The following HDHD5 variants were observed in gnomAD, a reference collection of about 807,000 sequenced individuals.
HDHD5 encodes the protein haloacid dehalogenase-like hydrolase domain-containing 5.
In HDHD5, 34 loss-of-function variants were observed where a neutral mutation model predicts 35.5. The ratio of observed to expected loss-of-function variants is 0.96; its 90% CI spans 0.73 to 1.28. The LOEUF is 1.28. Ranked by LOEUF, HDHD5 falls within the 50% of genes most tolerant of loss-of-function variation. The pLI is 0.00. For missense variants in HDHD5, 589 were observed against 560.2 expected (o/e 1.05, Z -0.52); for synonymous variants, 248 against 240.6 (o/e 1.03, Z -0.29).
At chr22:17,151,188 G>A (rs2061720851) in intron 1 of HDHD5, among the ~76,000 whole-genome samples, 1 of 152,038 alleles carries the variant, frequency 6.6e-6, no homozygotes, top group Non-Finnish European at 1.5e-5. Context: ...ATAATTTAAA[G>A]GTAAAAAAAT....
In HDHD5 at chr22:17,149,740, T is replaced by C. The variant is rs754857537; in HGVS notation, c.132A>G (p.Pro44=). Reference sequence around the variant, plus strand: ...TGTCCAACAGGAACCCAAAGGTGGGTGGGCTCTGCAGAGATGGTAAGATAA... The same window carrying C: ...TGTCCAACAGGAACCCAAAGGTGGGCGGGCTCTGCAGAGATGGTAAGATAA... ...RCYAVGPAQS[P]PTFGFLLDID... Residue 44 remains proline, a synonymous_variant, in exon 2 of 8, where the codon CCA becomes CCG. Coordinates refer to ENST00000336737, the MANE Select transcript of HDHD5 (RefSeq NM_033070.3). The C allele has an allele frequency of 1.9e-6, 3 of 1,613,948 alleles. No homozygotes were observed. In the South Asian group the frequency reaches 3.3e-5, roughly 18 times the overall value.
chr22:17,138,468 T>A (rs1186154268), intron 7 of HDHD5, 82 bp downstream of exon 7: 2 of 1,540,396 alleles, frequency 1.3e-6, no homozygotes, highest in African/African-American at 1.4e-5. Context: ...GAATTAGATA[T>A]AGGGAAATGG....
intron 5 of HDHD5, chr22:17,141,527 T>G: frequency 8.2e-7 from 1 of 1,217,978 alleles, no homozygotes; most frequent in Non-Finnish European, 1.0e-6. Context: ...CTACTTCTCC[T>G]TGCTGGCTGG....
chr22:17,143,048 G>A, intron 5 of HDHD5, 50 bp downstream of exon 5: 1 of 1,598,452 alleles, frequency 6.3e-7, no homozygotes, highest in South Asian at 1.1e-5. Context: ...GAGGGCCAGA[G>A]AGGAGACGGA....
At chr22:17,159,406 C>A (rs1223706603), upstream of HDHD5, 9 of 834,586 alleles carry the variant, frequency 1.1e-5, no homozygotes, top group Admixed American at 2.1e-4. Context: ...GAACTCGACC[C>A]GCAGGCCAAA....
intron 1 of HDHD5, among the ~76,000 whole-genome samples, chr22:17,155,331 T>C (rs552876707): frequency 1.8e-4 from 28 of 151,614 alleles, no homozygotes; most frequent in African/African-American, 5.8e-4. Context: ...CTACAACCTC[T>C]GCCTCCTGGG....
At chr22:17,155,252 G>C (rs1007747449) in intron 1 of HDHD5, among the ~76,000 whole-genome samples, 1 of 120,096 alleles carries the variant, frequency 8.3e-6, no homozygotes, top group Non-Finnish European at 1.8e-5. Flanking sequence ...TTTTTTGTTT[G>C]GTTGGTTTTT....
chr22:17,138,315 G>A lies in HDHD5; in HGVS notation c.978C>T (p.His326=), dbSNP rs761735392. 3 of 1,614,034 alleles carry A rather than the reference G, an allele frequency of 1.9e-6. No homozygotes were observed. In the African/African-American group the frequency reaches 4.0e-5, roughly 22 times the overall value. Residue 326 remains histidine (H), a synonymous_variant, in exon 8 of 8, where the codon CAC becomes CAT. Coordinates refer to ENST00000336737, the MANE Select transcript of HDHD5 (RefSeq NM_033070.3). ...CATGCGTTGCCTTCTGCAGGTACTG[G>A]TGGAACAGGTTGGCGCCGTATACGT... ...MSDVYGANLF[H]QYLQKATHDG...
At chr22:17,164,306 C>T (rs2061879813) in intron 1 of HDHD5, among the ~76,000 whole-genome samples, 2 of 151,770 alleles carry the variant, frequency 1.3e-5, no homozygotes, top group African/African-American at 4.8e-5. Flanking sequence ...AATGTGTCTG[C>T]ATCTAGATGT....
At chr22:17,145,334 C>T (rs1163757882) in intron 3 of HDHD5, among the ~76,000 whole-genome samples, 1 of 152,158 alleles carries the variant, frequency 6.6e-6, no homozygotes, top group East Asian at 1.9e-4. Context: ...CTGGGTAACC[C>T]ACCAGCAGTC....
intron 1 of HDHD5, 37 bp from the exon 2 acceptor site, chr22:17,149,782 A>G (rs749784653): frequency 2.5e-6 from 4 of 1,576,254 alleles, no homozygotes; most frequent in Admixed American, 1.7e-5. Flanking sequence ...GTACGTGAGT[A>G]ACAAAGAAAC....
chr22:17,138,187 C>G lies in HDHD5; in HGVS notation c.1106G>C (p.Arg369Thr). The change falls in exon 8 of 8, where the codon AGG becomes ACG. Residue 369 changes from arginine (R) to threonine (T), a missense_variant. By Grantham distance (71) the Arg-to-Thr change is moderately conservative (BLOSUM62 -1). Transcript: ENST00000336737. ...GACAGGCTCCGTGGACTGTGGGTTC[C>G]TGGGATTGTAGACGCCTGTACACAC... ...ILVCTGVYNP[R>T]NPQSTEPVLG... The G allele has an allele frequency of 6.2e-7, 1 of 1,614,186 alleles. No homozygotes were observed. Among genetic ancestry groups the G allele is most frequent in the South Asian group, 1.1e-5 (1 of 91,072 alleles).
At chr22:17,143,875 C>T (rs554715041) in intron 4 of HDHD5, among the ~76,000 whole-genome samples, 111 of 152,340 alleles carry the variant, frequency 7.3e-4, no homozygotes, top group African/African-American at 2.5e-3. Context: ...GATACACAGA[C>T]GGTGCGATGA....
chr22:17,148,058 A>C (rs1363318724), intron 3 of HDHD5, among the ~76,000 whole-genome samples: 1 of 152,178 alleles, frequency 6.6e-6, no homozygotes, highest in Non-Finnish European at 1.5e-5. Context: ...TGGCTAATAA[A>C]CTGACTGGGC....
upstream of HDHD5, among the ~76,000 whole-genome samples, chr22:17,161,255 AAAAAAAGAAAGAAG>A (rs1309076464): frequency 3.0e-4 from 45 of 150,078 alleles, no homozygotes; most frequent in East Asian, 8.4e-3. Flanking sequence ...CAAAAAAAAA[AAAAAAAGAAAGAAG>A]AAAAAAAGGC....
intron 1 of HDHD5, among the ~76,000 whole-genome samples, chr22:17,158,152 C>G (rs570476809): frequency 6.6e-6 from 1 of 152,236 alleles, no homozygotes; most frequent in African/African-American, 2.4e-5. Flanking sequence ...GAAACCCTGT[C>G]TCTACTAAAA....
At chr22:17,159,289 C>A (rs1297426903), upstream of HDHD5, 87 of 1,186,468 alleles carry the variant, frequency 7.3e-5, no homozygotes, top group South Asian at 4.1e-4. Flanking sequence ...GCGTGCGGCC[C>A]CCCCCCCCCG....
At chr22:17,154,969 G>A (rs1281677732) in intron 1 of HDHD5, among the ~76,000 whole-genome samples, 1 of 151,954 alleles carries the variant, frequency 6.6e-6, no homozygotes, top group Non-Finnish European at 1.5e-5. Context: ...AAGAATTTAG[G>A]TTTGAAATGA....
At chr22:17,147,366 T>G (rs1225299073) in intron 3 of HDHD5, among the ~76,000 whole-genome samples, 2 of 107,708 alleles carry the variant, frequency 1.9e-5, no homozygotes, top group Non-Finnish European at 3.8e-5. Flanking sequence ...CGCACTCCTG[T>G]GAGCTTACCG....
Sources: allele counts gnomAD v4.1 joint callset (sites outside exome capture counted in the v4.1 genomes callset), GRCh38; gene constraint gnomAD v4.1.1; transcripts MANE v1.5; gene names NCBI Gene and HGNC (gene_info 2026-07-23, HGNC 2026-07-21).